CTSC: variants seen among roughly 807,000 people sequenced by gnomAD.
CTSC encodes the protein cathepsin C, also known as dipeptidyl peptidase 1.
In CTSC, 37 loss-of-function variants were observed where a neutral mutation model predicts 40.9. The ratio of observed to expected loss-of-function variants is 0.91; its 90% CI spans 0.70 to 1.19. The LOEUF is 1.19. Among genes scored for constraint, CTSC ranks in the 50% most tolerant of loss-of-function variants. The probability of loss-of-function intolerance (pLI) is 0.00; values close to 1 mark genes in which losing one functional copy is unlikely to be tolerated. For synonymous variants in CTSC, 232 were observed against 207.4 expected (o/e 1.12, Z -1.02); for missense variants, 594 against 567.3 (o/e 1.05, Z -0.48).
intron 2 of CTSC, among the ~76,000 whole-genome samples, chr11:88,313,148 C>T (rs1311750220): frequency 1.3e-5 from 2 of 152,174 alleles, no homozygotes; most frequent in Non-Finnish European, 2.9e-5. Context: ...TGGCTCACTG[C>T]AACTTGCACC....
chr11:88,300,274 T>C (rs1302207359), intron 5 of CTSC, among the ~76,000 whole-genome samples: 2 of 152,240 alleles, frequency 1.3e-5, no homozygotes, highest in African/African-American at 4.8e-5. Flanking sequence ...ATCACTCTGA[T>C]TGTCACTAGC....
At chr11:88,309,811 C>T (rs1170276550) in intron 3 of CTSC, among the ~76,000 whole-genome samples, 11 of 97,326 alleles carry the variant, frequency 1.1e-4, no homozygotes, top group Admixed American at 2.8e-4. Context: ...TATATGTATG[C>T]GCGCACACAC....
chr11:88,293,992 C>G lies in CTSC; in HGVS notation c.*14G>C. On this transcript the variant is annotated 3_prime_UTR_variant, in exon 7 of 7. Coordinates refer to ENST00000227266, the MANE Select transcript of CTSC (RefSeq NM_001814.6). ...AACTGATGCAGATCATTATGAAATA[C>G]TGGAAGGCATACCCTACAATTTAGG... 1 of 1,613,522 alleles carries G rather than the reference C, an allele frequency of 6.2e-7. No individual in the cohort carries two copies. The highest frequency in any genetic ancestry group is 8.5e-7 in the Non-Finnish European group (1 of 1,179,886).
Position 88,294,231 on chromosome 11 carries a change from G to A in CTSC, c.1167C>T (p.His389=). Residue 389 remains histidine, a synonymous_variant, in exon 7 of 7, where the codon CAC becomes CAT. Coordinates refer to ENST00000227266, the MANE Select transcript of CTSC (RefSeq NM_001814.6). ...DFLHYKKGIY[H]HTGLRDPFNP... is the part of the protein sequence containing the mutation. ...TGAAAGGGTCTCTTAGACCAGTGTG[G>A]TGGTAGATCCCCTTTTTGTAGTGGA... The A allele has an allele frequency of 1.9e-6, 3 of 1,614,026 alleles. No individual in the cohort carries two copies. The Admixed American group carries it at 5.0e-5, about 27-fold the overall frequency.
intron 3 of CTSC, among the ~76,000 whole-genome samples, chr11:88,309,693 A>T (rs546457387): frequency 5.0e-4 from 76 of 152,048 alleles, no homozygotes; most frequent in Non-Finnish European, 1.0e-3. Flanking sequence ...TATATTAAAT[A>T]TGAGAAGATA....
At position 88,337,353 on chromosome 11, in the gene CTSC, A is replaced by T. The variant is rs1054568185; in HGVS notation, c.172+148T>A. The T allele has an allele frequency of 9.3e-5, 72 of 770,368 alleles. No homozygotes were observed. The Admixed American group carries it at 1.7e-3, about 19-fold the overall frequency. 47.7% of individuals were successfully genotyped at this position (770,368 alleles called of 1,614,324 possible). A position where few individuals can be genotyped will look rare whatever the true frequency, so the allele number is the denominator to read the frequency against. ...TAACTTCGCGAGCCTGGCGGGGAAG[A>T]AGGTCCCCAAGGGTCCCCGAATCCA... On this transcript the variant is annotated intron_variant, in intron 1 of 6. Transcript: ENST00000227266.
At chr11:88,311,257 G>A (rs1323629227) in intron 3 of CTSC, among the ~76,000 whole-genome samples, 2 of 152,208 alleles carry the variant, frequency 1.3e-5, no homozygotes, top group African/African-American at 2.4e-5. Flanking sequence ...AAAAGTAAAT[G>A]TGTAGCTCTA....
intron 3 of CTSC, among the ~76,000 whole-genome samples, chr11:88,309,872 C>G (rs990457206): frequency 2.0e-5 from 3 of 151,094 alleles, no homozygotes; most frequent in African/African-American, 7.3e-5. Context: ...TTTAAAATGC[C>G]AAACATGGTT....
At chr11:88,337,413 T>G in intron 1 of CTSC, 88 bp downstream of exon 1, 1 of 1,352,630 alleles carries the variant, frequency 7.4e-7, no homozygotes, top group Non-Finnish European at 1.0e-6. Context: ...AGCGTCTGCC[T>G]GGGGGGAAGC....
rs1938138547 is a variant in CTSC, at chr11:88,324,926, C to T, written c.318+10011G>A. The T allele has an allele frequency of 9.1e-6, 9 of 985,146 alleles. No individual in the cohort carries two copies. In the African/African-American group the frequency reaches 1.0e-4, roughly 11 times the overall value. 61.0% of individuals were successfully genotyped at this position (985,146 alleles called of 1,614,324 possible). On this transcript the variant is annotated intron_variant, in intron 2 of 6. Coordinates refer to ENST00000227266, the MANE Select transcript of CTSC (RefSeq NM_001814.6). ...CTTCTCAGAATAGCAGAACAGTATA[C>T]CTCTCAGATCATACAAAGAGTCATC...
At position 88,337,728 on chromosome 11, in the gene CTSC, G is replaced by T; in HGVS notation, c.-56C>A. The T allele has an allele frequency of 3.9e-6, 6 of 1,543,542 alleles. No homozygotes were observed. The highest frequency in any genetic ancestry group is 5.3e-6 in the Non-Finnish European group (6 of 1,142,348). On this transcript the variant is annotated 5_prime_UTR_variant, in exon 1 of 7. Coordinates refer to ENST00000227266, the MANE Select transcript of CTSC (RefSeq NM_001814.6). Reference sequence around the variant, plus strand: ...ATTACCAGGAAGCCGAGCGCTGCGGGCTAGCGGTGAGTCCACCACGAGGCG... The same window carrying T: ...ATTACCAGGAAGCCGAGCGCTGCGGTCTAGCGGTGAGTCCACCACGAGGCG...
intron 3 of CTSC, among the ~76,000 whole-genome samples, chr11:88,310,180 C>T (rs1341677570): frequency 4.2e-5 from 6 of 142,192 alleles, no homozygotes; most frequent in East Asian, 2.1e-4. Flanking sequence ...TCAGAATCTC[C>T]TTTTTTTTTT....
intron 6 of CTSC, 129 bp from the exon 7 acceptor site, chr11:88,294,637 T>G: frequency 7.0e-6 from 7 of 1,001,612 alleles, no homozygotes; most frequent in Non-Finnish European, 1.1e-5. Flanking sequence ...TAAGCATCAC[T>G]TCATTCATCC....
intron 6 of CTSC, 46 bp downstream of exon 6, chr11:88,296,087 A>G: frequency 6.2e-7 from 1 of 1,608,836 alleles, no homozygotes; most frequent in Non-Finnish European, 8.5e-7. Flanking sequence ...AGCCAGCTGC[A>G]CACAGGTAAA....
chr11:88,296,280 A>C lies in CTSC; in HGVS notation c.758-16T>G. ...CCACAGGATGCTGGCGATGAAAAAAAGACACATAATCCAAGAGACATCTGA... is the reference window on the plus strand; with the variant it reads ...CCACAGGATGCTGGCGATGAAAAAACGACACATAATCCAAGAGACATCTGA... On this transcript the variant is annotated splice_polypyrimidine_tract_variant and intron_variant, in intron 5 of 6. Transcript: ENST00000227266. The C allele has an allele frequency of 6.2e-7, 1 of 1,613,372 alleles. No homozygotes were observed. The highest frequency in any genetic ancestry group is 8.5e-7 in the Non-Finnish European group (1 of 1,179,538).
At chr11:88,313,667 A>G (rs1448397457) in intron 2 of CTSC, among the ~76,000 whole-genome samples, 3 of 152,214 alleles carry the variant, frequency 2.0e-5, no homozygotes, top group Non-Finnish European at 4.4e-5. Flanking sequence ...ATGCTGTGCT[A>G]AATTTCTGAG....
At chr11:88,312,667 C>G (rs1009589031) in intron 2 of CTSC, 113 bp from the exon 3 acceptor site, 3 of 1,164,530 alleles carry the variant, frequency 2.6e-6, no homozygotes, top group Non-Finnish European at 3.8e-6. Context: ...AAAAACTTCA[C>G]CCTGAGAGGT....
intron 4 of CTSC, among the ~76,000 whole-genome samples, chr11:88,305,342 A>C (rs1937621638): frequency 6.6e-6 from 1 of 152,190 alleles, no homozygotes; most frequent in Non-Finnish European, 1.5e-5. Flanking sequence ...CACAAGATCC[A>C]AGAGCCCTCT....
At chr11:88,320,793 T>C in intron 2 of CTSC, 1 of 958,384 alleles carries the variant, frequency 1.0e-6, no homozygotes, top group Non-Finnish European at 1.2e-6. Flanking sequence ...AACACATCAA[T>C]AAAACAATAC....
Sources: allele counts gnomAD v4.1 joint callset (sites outside exome capture counted in the v4.1 genomes callset), GRCh38; gene constraint gnomAD v4.1.1; transcripts MANE v1.5; gene names NCBI Gene and HGNC (gene_info 2026-07-23, HGNC 2026-07-21).